Variants in PPM1E observed in about 807,000 individuals in gnomAD.
PPM1E encodes protein phosphatase, Mg2+/Mn2+ dependent 1E, also known as protein phosphatase 1E.
Under a neutral mutation model 65.9 loss-of-function variants are expected in PPM1E, and 20 were observed. That is an observed-to-expected ratio of 0.30 (90% CI 0.21 to 0.44). The LOEUF (loss-of-function observed/expected upper bound fraction) is 0.44. PPM1E is among the 20% of genes least tolerant of loss of function. The pLI, the probability that PPM1E is intolerant of heterozygous loss-of-function variation, is 1.00. For missense variants in PPM1E, 713 were observed against 953.1 expected (o/e 0.75, Z 3.32); for synonymous variants, 352 against 374.9 (o/e 0.94, Z 0.70).
chr17:58,809,595 ACTGGT>A lies in PPM1E; in HGVS notation c.464+53137_464+53141del, dbSNP rs1443613271. 3.3e-5 allele frequency among the ~76,000 whole-genome samples: 5 copies of A among 151,888 alleles called. No homozygotes were observed. The East Asian group carries it at 9.7e-4, about 29-fold the overall frequency. ...CCCAGGGTCTTACTATGTTTCCCAG[ACTGGT>A]CTCAAACTCCTGGGCTCAAGCAGCC... On this transcript the variant is annotated intron_variant, in intron 1 of 6. Coordinates refer to ENST00000308249, the MANE Select transcript of PPM1E (RefSeq NM_014906.5).
intron 1 of PPM1E, among the ~76,000 whole-genome samples, chr17:58,827,629 G>A (rs951160240): frequency 1.3e-4 from 20 of 152,124 alleles, no homozygotes; most frequent in African/African-American, 2.4e-4. Context: ...AGGGCTGGGC[G>A]CGGTGGCTTA....
intron 1 of PPM1E, among the ~76,000 whole-genome samples, chr17:58,940,155 AATG>A (rs2052045010): frequency 6.6e-6 from 1 of 152,212 alleles, no homozygotes; most frequent in Non-Finnish European, 1.5e-5. Context: ...TTTTAAGAGA[AATG>A]ATGAAAGAAA....
chr17:58,891,514 G>A (rs1050620218), intron 1 of PPM1E, among the ~76,000 whole-genome samples: 3 of 151,728 alleles, frequency 2.0e-5, no homozygotes, highest in East Asian at 1.9e-4. Flanking sequence ...TAGTAGAGAC[G>A]GGGTTTCACC....
chr17:58,884,327 T>C (rs1265850331), intron 1 of PPM1E, among the ~76,000 whole-genome samples: 2 of 152,174 alleles, frequency 1.3e-5, no homozygotes, highest in Non-Finnish European at 2.9e-5. Flanking sequence ...TGGTATATAT[T>C]GCTTTCCTCA....
intron 1 of PPM1E, among the ~76,000 whole-genome samples, chr17:58,932,520 C>T (rs1466227148): frequency 1.3e-5 from 2 of 152,092 alleles, no homozygotes; most frequent in African/African-American, 4.8e-5. Flanking sequence ...AATCTAAGAA[C>T]TAATTTATTA....
At chr17:58,793,183 C>T (rs1247381010) in intron 1 of PPM1E, among the ~76,000 whole-genome samples, 1 of 151,950 alleles carries the variant, frequency 6.6e-6, no homozygotes, top group Non-Finnish European at 1.5e-5. Context: ...CTCCCTTCTT[C>T]ATCTTTTAAC....
intron 1 of PPM1E, among the ~76,000 whole-genome samples, chr17:58,883,483 CTTTTT>C (rs71143299): frequency 1.8e-5 from 2 of 111,924 alleles, no homozygotes; most frequent in Admixed American, 9.8e-5. Context: ...GCTGCCTGTT[CTTTTT>C]TTTTTTTTTT....
At chr17:58,978,803 C>A (rs1001793117) in intron 6 of PPM1E, among the ~76,000 whole-genome samples, 1 of 152,086 alleles carries the variant, frequency 6.6e-6, no homozygotes, top group Admixed American at 6.5e-5. Flanking sequence ...TCACAAGGTA[C>A]CTAAAGGAAT....
chr17:58,817,918 A>C (rs1451848043), intron 1 of PPM1E, among the ~76,000 whole-genome samples: 1 of 151,944 alleles, frequency 6.6e-6, no homozygotes, highest in Non-Finnish European at 1.5e-5. Flanking sequence ...CGCCCGGTTA[A>C]TTTTTTGTAT....
At position 58,930,124 on chromosome 17, in the gene PPM1E, G is replaced by A. The variant is rs527373940; in HGVS notation, c.465-25525G>A. On this transcript the variant is annotated intron_variant, in intron 1 of 6. Transcript: ENST00000308249. ...AGAATCAAGTATCTGGGCTGGGCGC[G>A]GTGGCTCATGTCTGTAATCCTAGCA... is the stretch of plus-strand genomic sequence containing the variant. Among the ~76,000 whole-genome samples, 14 of 152,024 alleles carry A rather than the reference G, an allele frequency of 9.2e-5. No individual in the cohort carries two copies. In the South Asian group the frequency reaches 1.0e-3, roughly 11 times the overall value.
intron 1 of PPM1E, among the ~76,000 whole-genome samples, chr17:58,785,143 G>A (rs2050086777): frequency 6.6e-6 from 1 of 152,092 alleles, no homozygotes; most frequent in East Asian, 1.9e-4. Context: ...GAGATAATTT[G>A]TGTATATAGA....
At chr17:58,784,504 CTT>C (rs34002789) in intron 1 of PPM1E, among the ~76,000 whole-genome samples, 5 of 137,178 alleles carry the variant, frequency 3.6e-5, no homozygotes, top group Admixed American at 7.5e-5. Flanking sequence ...CCCCCCACCA[CTT>C]TTTTTTTTTT....
chr17:58,788,710 T>G (rs1224749510), intron 1 of PPM1E, among the ~76,000 whole-genome samples: 1 of 152,206 alleles, frequency 6.6e-6, no homozygotes, highest in Non-Finnish European at 1.5e-5. Flanking sequence ...GAACGTATTT[T>G]TTGTCAGTGC....
At chr17:58,934,314 G>T (rs543858804) in intron 1 of PPM1E, among the ~76,000 whole-genome samples, 1 of 152,144 alleles carries the variant, frequency 6.6e-6, no homozygotes, top group Admixed American at 6.5e-5. Flanking sequence ...TGCACAAAAA[G>T]TTATGTAAAG....
intron 1 of PPM1E, among the ~76,000 whole-genome samples, chr17:58,841,139 G>A (rs1254700244): frequency 1.3e-5 from 2 of 152,158 alleles, no homozygotes; most frequent in African/African-American, 4.8e-5. Flanking sequence ...AGTTCATACT[G>A]ATATATAAAT....
At chr17:58,885,873 C>T in intron 1 of PPM1E, among the ~76,000 whole-genome samples, 1 of 152,224 alleles carries the variant, frequency 6.6e-6, no homozygotes, top group Non-Finnish European at 1.5e-5. Context: ...GCATTCTACA[C>T]ATGGGAGTAG....
At chr17:58,837,005 G>C (rs1413140774) in intron 1 of PPM1E, among the ~76,000 whole-genome samples, 1 of 137,878 alleles carries the variant, frequency 7.3e-6, no homozygotes, top group African/African-American at 2.7e-5. Flanking sequence ...GGGCGACAGA[G>C]CGAAACTCCG....
chr17:58,800,985 C>T (rs2050253166), intron 1 of PPM1E, among the ~76,000 whole-genome samples: 1 of 152,008 alleles, frequency 6.6e-6, no homozygotes, highest in Non-Finnish European at 1.5e-5. Flanking sequence ...TTACTCTGCT[C>T]TTCTTGATTT....
chr17:58,967,818 T>G (rs78314557), intron 3 of PPM1E, among the ~76,000 whole-genome samples: 111 of 151,248 alleles, frequency 7.3e-4, no homozygotes, highest in Non-Finnish European at 1.4e-3. Context: ...TTTTTTTTTT[T>G]GAAACGGAGT....
Sources: gnomAD v4.1 joint callset for allele counts (sites outside exome capture counted in the v4.1 genomes callset) on GRCh38, gnomAD v4.1.1 for gene constraint, MANE v1.5 for transcripts, NCBI Gene and HGNC (gene_info 2026-07-23, HGNC 2026-07-21) for gene names.